PCDHGA1: variants seen among roughly 807,000 people sequenced by gnomAD.
PCDHGA1 encodes the protein protocadherin gamma subfamily A, 1.
A neutral mutation model predicts 58.0 loss-of-function variants in PCDHGA1; 32 were observed. That is an observed-to-expected ratio of 0.55 (90% CI 0.42 to 0.74). PCDHGA1 has a LOEUF of 0.74. Ranked by LOEUF, PCDHGA1 falls within the 30% of genes least tolerant of loss-of-function variation. The pLI is 0.00. For missense variants in PCDHGA1, 1,205 were observed against 1,182.3 expected, an observed-to-expected ratio of 1.02 and a Z score of -0.28; for synonymous variants, 498 against 501.1, an observed-to-expected ratio of 0.99 and a Z score of 0.08.
intron 1 of PCDHGA1, chr5:141,384,766 A>T (rs1277766667): frequency 6.2e-7 from 1 of 1,613,916 alleles, no homozygotes; most frequent in South Asian, 1.1e-5. Context: ...TGGGCTGTAC[A>T]CGGGCGAGGT....
At position 141,454,796 on chromosome 5, in the gene PCDHGA1, A is replaced by ATTTTT. The variant is rs61612330; in HGVS notation, c.2422-39986_2422-39982dup. ...AAGGAAATAATCCTCCATGGTTCTA[A>ATTTTT]TTTTTTTTTTTTTTTTTTTTTTTTT... On this transcript the variant is annotated intron_variant, in intron 1 of 3. Coordinates refer to ENST00000517417, the MANE Select transcript of PCDHGA1 (RefSeq NM_018912.3). 4.5e-3 allele frequency among the ~76,000 whole-genome samples: 350 copies of ATTTTT among 77,444 alleles called. 39 individuals are homozygous for ATTTTT. The highest frequency in any genetic ancestry group is 0.016 in the African/African-American group (266 of 16,872). The allele number at this position is 77,444 out of a possible 152,430, so 50.8% of individuals were successfully genotyped here.
intron 1 of PCDHGA1, chr5:141,478,523 G>A: frequency 1.2e-6 from 2 of 1,609,908 alleles, no homozygotes; most frequent in Non-Finnish European, 1.7e-6. Flanking sequence ...GGTGTTGGGT[G>A]CAGAGAGCGC....
chr5:141,356,297 T>C, intron 1 of PCDHGA1: 1 of 1,554,974 alleles, frequency 6.4e-7, no homozygotes, highest in African/African-American at 1.4e-5. Flanking sequence ...GGTACAGTAA[T>C]TGCACTTTTC....
At chr5:141,414,118 G>C (rs559064215) in intron 1 of PCDHGA1, 1 of 1,592,490 alleles carries the variant, frequency 6.3e-7, no homozygotes, top group Admixed American at 1.8e-5. Flanking sequence ...AGATTATGAA[G>C]AAACCGGTTT....
rs202187251 is a variant in PCDHGA1, at chr5:141,361,781, G to A, written c.2421+28676G>A. Reference sequence around the variant, plus strand: ...GCGCTCAGCGCCAACGTGAGCCTGCGCGTGTTAGTGGGCGACCTCAATGAC... The same window carrying A: ...GCGCTCAGCGCCAACGTGAGCCTGCACGTGTTAGTGGGCGACCTCAATGAC... On this transcript the variant is annotated intron_variant, in intron 1 of 3. Transcript: ENST00000517417. The A allele has an allele frequency of 3.1e-4, 505 of 1,613,104 alleles. No homozygotes were observed. Among genetic ancestry groups the A allele is most frequent in the Non-Finnish European group, 3.8e-4 (452 of 1,179,752 alleles).
intron 1 of PCDHGA1, chr5:141,366,082 T>C (rs1228073481): frequency 1.2e-6 from 2 of 1,614,246 alleles, no homozygotes; most frequent in East Asian, 2.2e-5. Context: ...CCGCAGAACC[T>C]GGCTACCTGG....
At chr5:141,414,502 A>G in intron 1 of PCDHGA1, 1 of 1,613,944 alleles carries the variant, frequency 6.2e-7, no homozygotes, top group South Asian at 1.1e-5. Flanking sequence ...AGCTCACTTT[A>G]TGCTACAAGT....
At chr5:141,344,341 T>C in intron 1 of PCDHGA1, 1 of 1,613,984 alleles carries the variant, frequency 6.2e-7, no homozygotes, top group Non-Finnish European at 8.5e-7. Context: ...CCGCTGTGTC[T>C]GGTAAAAATT....
intron 1 of PCDHGA1, chr5:141,409,838 G>A: frequency 1.2e-6 from 2 of 1,611,532 alleles, no homozygotes; most frequent in Non-Finnish European, 1.7e-6. Context: ...CAGCGCCAAC[G>A]TGAGCCTGCG....
chr5:141,362,661 A>G (rs533318965), intron 1 of PCDHGA1: 682 of 1,346,776 alleles, frequency 5.1e-4, no homozygotes, highest in Non-Finnish European at 6.6e-4. Flanking sequence ...GATTTGGCCA[A>G]TGTTGTGCCT....
At chr5:141,360,929 C>G (rs1415518653) in intron 1 of PCDHGA1, 13 of 1,613,914 alleles carry the variant, frequency 8.1e-6, no homozygotes, top group East Asian at 6.7e-5. Flanking sequence ...CTTCAAGTGA[C>G]AGCCACCGAC....
intron 1 of PCDHGA1, chr5:141,409,175 G>A: frequency 5.0e-6 from 8 of 1,614,008 alleles, no homozygotes; most frequent in Non-Finnish European, 6.8e-6. Flanking sequence ...GAAGGACGGA[G>A]GTGGTCTCTC....
rs2096153349 is a variant in PCDHGA1 at position 141,417,731 on chromosome 5, C to G, written c.2422-77076C>G. 2.2e-6 allele frequency: 3 copies of G among 1,378,810 alleles called. No homozygotes were observed. In the East Asian group the frequency reaches 7.6e-5, roughly 35 times the overall value. 85.4% of individuals were successfully genotyped at this position (1,378,810 alleles called of 1,614,324 possible). A position where few individuals can be genotyped will look rare whatever the true frequency, so the allele number is the denominator to read the frequency against. On this transcript the variant is annotated intron_variant, in intron 1 of 3. Coordinates refer to ENST00000517417, the MANE Select transcript of PCDHGA1 (RefSeq NM_018912.3). ...AGGCTCCCGGCTGCGCAGACCTTGC[C>G]CAGCACACCAGATTGCCAGCTCCGA...
intron 1 of PCDHGA1, among the ~76,000 whole-genome samples, chr5:141,449,041 C>T (rs998143732): frequency 3.3e-5 from 5 of 152,126 alleles, no homozygotes; most frequent in Admixed American, 3.3e-4. Flanking sequence ...GATTATTAAC[C>T]AGTCTCATAA....
At position 141,490,819 on chromosome 5, in the gene PCDHGA1, C is replaced by T; in HGVS notation, c.2422-3988C>T. Reference sequence around the variant, plus strand: ...CCAGCGTACCTTTGACTATGAATTGCTGCAGATGCTGCAGATTGTGGTGGG... The same window carrying T: ...CCAGCGTACCTTTGACTATGAATTGTTGCAGATGCTGCAGATTGTGGTGGG... On this transcript the variant is annotated intron_variant, in intron 1 of 3. Transcript: ENST00000517417. This position sits in a 1 kb window ranked among gnomAD's most constrained non-coding sequence, Gnocchi z 5.4. 2 of 1,613,842 alleles carry T rather than the reference C, an allele frequency of 1.2e-6. No individual in the cohort carries two copies. Among genetic ancestry groups the T allele is most frequent in the Non-Finnish European group, 8.5e-7 (1 of 1,179,804 alleles).
At chr5:141,386,663 G>A (rs532080624) in intron 1 of PCDHGA1, among the ~76,000 whole-genome samples, 7 of 151,932 alleles carry the variant, frequency 4.6e-5, no homozygotes, top group Non-Finnish European at 1.0e-4. Flanking sequence ...GTTCTGCAGT[G>A]TTCACATTTC....
intron 1 of PCDHGA1, among the ~76,000 whole-genome samples, chr5:141,473,390 A>T (rs554428702): frequency 1.3e-5 from 2 of 152,190 alleles, no homozygotes; most frequent in Non-Finnish European, 2.9e-5. Flanking sequence ...GCCCTCCTGG[A>T]GCTTCTTTTT....
At chr5:141,364,863 T>C in intron 1 of PCDHGA1, 2 of 1,613,952 alleles carry the variant, frequency 1.2e-6, no homozygotes, top group Non-Finnish European at 1.7e-6. Context: ...AATCTGCACT[T>C]CTCTCTGGAT....
chr5:141,370,814 G>T, intron 1 of PCDHGA1: 1 of 1,614,024 alleles, frequency 6.2e-7, no homozygotes, highest in Non-Finnish European at 8.5e-7. Flanking sequence ...TCACTGAGCT[G>T]GAAATCAGCG....
Sources: allele counts gnomAD v4.1 joint callset (sites outside exome capture counted in the v4.1 genomes callset), GRCh38; gene constraint gnomAD v4.1.1; non-coding constraint Gnocchi (gnomAD v3.1); transcripts MANE v1.5; gene names NCBI Gene and HGNC (gene_info 2026-07-23, HGNC 2026-07-21).